DENND2D: variants seen among roughly 807,000 people sequenced by gnomAD.
DENND2D encodes DENN domain-containing protein 2D.
A neutral mutation model predicts 59.8 loss-of-function variants in DENND2D; 37 were observed. The observed-to-expected ratio is 0.62, with a 90% confidence interval of 0.48 to 0.81. The LOEUF is 0.81. Ranked by LOEUF, DENND2D falls within the 40% of genes least tolerant of loss-of-function variation. The pLI is 0.00. For missense variants in DENND2D, 525 were observed against 579.7 expected (o/e 0.91, Z 0.97); for synonymous variants, 219 against 211.3 (o/e 1.04, Z -0.31).
rs757361209 is a variant in DENND2D at position 111,187,597 on chromosome 1, C to T, written c.*8G>A. The T allele has an allele frequency of 1.2e-6, 2 of 1,609,990 alleles. No individual in the cohort carries two copies. The highest frequency in any genetic ancestry group is 1.7e-6 in the Non-Finnish European group (2 of 1,176,336). ...TGTAGCTCTAGTCATTCTTATTCAC[C>T]ACAGCTCTTATTTCACAGTTTTTTC... is the stretch of plus-strand genomic sequence containing the variant. On this transcript the variant is annotated 3_prime_UTR_variant, in exon 12 of 12. Transcript: ENST00000357640.
At chr1:111,204,546 C>A (rs1239938195), upstream of DENND2D, 5 of 528,440 alleles carry the variant, frequency 9.5e-6, no homozygotes, top group Non-Finnish European at 1.5e-5. Flanking sequence ...TCTGCCCTCG[C>A]CCTGGGCAGG....
upstream of DENND2D, among the ~76,000 whole-genome samples, chr1:111,201,888 G>C (rs1658841896): frequency 6.6e-6 from 1 of 152,344 alleles, no homozygotes; most frequent in Non-Finnish European, 1.5e-5. Flanking sequence ...GAGCGAACTA[G>C]AACACTTGGA....
chr1:111,189,773 C>T (rs1220614513), intron 8 of DENND2D, among the ~76,000 whole-genome samples: 1 of 152,178 alleles, frequency 6.6e-6, no homozygotes, highest in Non-Finnish European at 1.5e-5. Flanking sequence ...TTGCATTCCT[C>T]TCTCTACAAT....
upstream of DENND2D, among the ~76,000 whole-genome samples, chr1:111,201,893 C>T (rs1426960532): frequency 6.6e-6 from 1 of 152,218 alleles, no homozygotes. Context: ...AACTAGAACA[C>T]TTGGAGCTGG....
chr1:111,197,723 C>G (rs599134), intron 4 of DENND2D, 197 bp downstream of exon 4: 1,071,782 of 1,418,932 alleles, frequency 0.76, 409,023 homozygotes, highest in Non-Finnish European at 0.78. Context: ...TGACCAGCAG[C>G]GGGAGAAGGG....
upstream of DENND2D, chr1:111,204,249 C>T: frequency 6.9e-7 from 1 of 1,450,046 alleles, no homozygotes; most frequent in Non-Finnish European, 9.0e-7. Context: ...GCCCCGGCTC[C>T]CCGGTGCCCA....
intron 7 of DENND2D, among the ~76,000 whole-genome samples, chr1:111,193,070 C>T (rs1657926318): frequency 6.6e-6 from 1 of 152,248 alleles, no homozygotes; most frequent in Admixed American, 6.5e-5. Flanking sequence ...ACCACATACA[C>T]ACAGTCCCAC....
intron 7 of DENND2D, 88 bp from the exon 8 acceptor site, chr1:111,192,405 G>C: frequency 7.3e-7 from 1 of 1,372,486 alleles, no homozygotes; most frequent in Non-Finnish European, 9.6e-7. Flanking sequence ...ACAGCAGCTA[G>C]AGCAGTGCTG....
At chr1:111,193,182 T>G (rs1364322008) in intron 7 of DENND2D, among the ~76,000 whole-genome samples, 1 of 152,208 alleles carries the variant, frequency 6.6e-6, no homozygotes. Context: ...GCGGGAATCC[T>G]TGTTTCAGTT....
chr1:111,195,774 G>C (rs1383689853), intron 6 of DENND2D, 142 bp downstream of exon 6: 2 of 1,211,552 alleles, frequency 1.7e-6, no homozygotes, highest in African/African-American at 3.0e-5. Flanking sequence ...TTTCAGCTTT[G>C]TCCATTCTAA....
At chr1:111,188,553 C>A in intron 10 of DENND2D, 149 bp downstream of exon 10, 1 of 1,182,088 alleles carries the variant, frequency 8.5e-7, no homozygotes, top group Non-Finnish European at 1.2e-6. Context: ...AGGAAGAATA[C>A]AATCCCAAAT....
chr1:111,188,559 CA>C (rs1657437672), intron 10 of DENND2D, 142 bp downstream of exon 10: 1 of 1,170,380 alleles, frequency 8.5e-7, no homozygotes, highest in Non-Finnish European at 1.2e-6. Flanking sequence ...AATACAATCC[CA>C]AATTCAGACT....
At position 111,199,606 on chromosome 1, in the gene DENND2D, C is replaced by G; in HGVS notation, c.243+17G>C. On this transcript the variant is annotated intron_variant, in intron 2 of 11. Transcript: ENST00000357640. ...CCCCAGTCCTCTGGCTGGCCCTGCC[C>G]CTCCTTCAGTCCTTACCTTGGGAAA... The G allele has an allele frequency of 6.2e-7, 1 of 1,606,378 alleles. No individual in the cohort carries two copies. Among genetic ancestry groups the G allele is most frequent in the East Asian group, 2.2e-5 (1 of 44,796 alleles).
intron 11 of DENND2D, 145 bp downstream of exon 11, chr1:111,187,986 A>T: frequency 1.6e-6 from 2 of 1,246,778 alleles, no homozygotes; most frequent in Non-Finnish European, 2.2e-6. Context: ...CTTAGGTTTC[A>T]GGTTATGTCA....
intron 10 of DENND2D, 30 bp from the exon 11 acceptor site, chr1:111,188,400 G>A (rs551006500): frequency 1.9e-6 from 3 of 1,602,986 alleles, no homozygotes; most frequent in South Asian, 2.2e-5. Context: ...CATCTCAGAG[G>A]GTAGCAGAAG....
chr1:111,204,368 C>T, upstream of DENND2D: 2 of 1,419,068 alleles, frequency 1.4e-6, no homozygotes, highest in Admixed American at 6.0e-5. Context: ...CCTGGAGTGC[C>T]CGGCTCCCGC....
At chr1:111,196,257 T>G (rs1658216887) in intron 5 of DENND2D, 2 of 541,288 alleles carry the variant, frequency 3.7e-6, no homozygotes, top group African/African-American at 2.0e-5. Context: ...GCAGTTTATC[T>G]CCCACATAAG....
At position 111,186,508 on chromosome 1, in the gene DENND2D, A is replaced by G. The variant is rs1657258815; in HGVS notation, c.*1097T>C. 6.6e-6 allele frequency among the ~76,000 whole-genome samples: 1 copy of G among 152,192 alleles called. No homozygotes were observed. Among genetic ancestry groups the G allele is most frequent in the Non-Finnish European group, 1.5e-5 (1 of 68,020 alleles). ...TTAGGAACTTCTGAGGGCCACAAAT[A>G]CACACATTAAAAAAGGTAGAATTTT... On this transcript the variant is annotated 3_prime_UTR_variant, in exon 12 of 12. Transcript: ENST00000357640.
At chr1:111,189,823 T>A (rs920719406) in intron 8 of DENND2D, among the ~76,000 whole-genome samples, 1 of 152,130 alleles carries the variant, frequency 6.6e-6, no homozygotes, top group Non-Finnish European at 1.5e-5. Flanking sequence ...GAGACCAACA[T>A]CTTTTTATTT....
Sources: allele counts gnomAD v4.1 joint callset (sites outside exome capture counted in the v4.1 genomes callset), GRCh38; gene constraint gnomAD v4.1.1; transcripts MANE v1.5; gene names NCBI Gene and HGNC (gene_info 2026-07-23, HGNC 2026-07-21).